Variants in RBFOX1 observed in about 807,000 individuals in gnomAD.
The protein encoded by RBFOX1 is RNA binding fox-1 homolog 1.
Under a neutral mutation model 57.7 loss-of-function variants are expected in RBFOX1, and 8 were observed. The ratio of observed to expected loss-of-function variants is 0.14; its 90% CI spans 0.08 to 0.25. RBFOX1 has a LOEUF of 0.25. Among genes scored for constraint, RBFOX1 ranks in the 10% least tolerant of loss-of-function variants. RBFOX1 has a pLI of 1.00. For synonymous variants in RBFOX1, 326 were observed against 222.4 expected (o/e 1.47, Z -4.15); for missense variants, 611 against 548.5 (o/e 1.11, Z -1.14).
chr16:7,388,103 TATAAAC>T (rs1204549464), intron 4 of RBFOX1, among the ~76,000 whole-genome samples: 5 of 152,198 alleles, frequency 3.3e-5, no homozygotes, highest in African/African-American at 1.2e-4. Flanking sequence ...ATCAAGATCA[TATAAAC>T]ATAATCAGTG....
chr16:6,345,231 T>G (rs1223810353), intron 2 of RBFOX1, among the ~76,000 whole-genome samples: 1 of 152,136 alleles, frequency 6.6e-6, no homozygotes, highest in Non-Finnish European at 1.5e-5. Context: ...AGAAGAGAAT[T>G]CAAGGGTGAG....
intron 1 of RBFOX1, among the ~76,000 whole-genome samples, chr16:5,348,441 G>T (rs1488307778): frequency 1.3e-5 from 2 of 152,200 alleles, no homozygotes; most frequent in Admixed American, 6.5e-5. Flanking sequence ...AGAGTCATAT[G>T]AAGTAGGCAC....
chr16:6,138,054 C>A (rs2096681633), intron 1 of RBFOX1, among the ~76,000 whole-genome samples: 1 of 152,164 alleles, frequency 6.6e-6, no homozygotes, highest in East Asian at 1.9e-4. Context: ...TGGCTAGTGG[C>A]CTCACAGGTT....
intron 3 of RBFOX1, among the ~76,000 whole-genome samples, chr16:5,737,636 C>T (rs1403655023): frequency 6.7e-6 from 1 of 150,104 alleles, no homozygotes; most frequent in African/African-American, 2.5e-5. Context: ...CTGTACTTCT[C>T]ACTAAGTTTA....
At chr16:5,513,961 A>T (rs572868314) in intron 2 of RBFOX1, among the ~76,000 whole-genome samples, 31 of 152,352 alleles carry the variant, frequency 2.0e-4, no homozygotes, top group African/African-American at 7.5e-4. Context: ...CATGATGAAT[A>T]AAATACCAAC....
chr16:6,102,447 A>G lies in RBFOX1; in HGVS notation c.-127+82455A>G, dbSNP rs75550572. Among the ~76,000 whole-genome samples, 256 of 152,298 alleles carry G rather than the reference A, an allele frequency of 1.7e-3. 5 individuals carry two copies. The East Asian group carries it at 0.027, about 16-fold the overall frequency. On this transcript the variant is annotated intron_variant, in intron 1 of 15. Coordinates refer to ENST00000550418, the MANE Select transcript of RBFOX1 (RefSeq NM_018723.4). ...TCTTACAACGGTGTCATTTGCAACA[A>G]CATCAATCATTGAATTGCACGTCAA...
intron 4 of RBFOX1, among the ~76,000 whole-genome samples, chr16:5,954,055 G>A (rs935011605): frequency 6.6e-6 from 1 of 152,158 alleles, no homozygotes; most frequent in African/African-American, 2.4e-5. Flanking sequence ...AGAGGATGGG[G>A]CACTGCACAC....
intron 2 of RBFOX1, among the ~76,000 whole-genome samples, chr16:6,648,809 T>C (rs572920509): frequency 2.4e-4 from 37 of 152,294 alleles, no homozygotes; most frequent in African/African-American, 8.7e-4. Flanking sequence ...AGCCTGAGAA[T>C]CTGGGTATTT....
At chr16:5,371,947 C>CT (rs1342830484) in intron 1 of RBFOX1, among the ~76,000 whole-genome samples, 5 of 152,158 alleles carry the variant, frequency 3.3e-5, no homozygotes, top group South Asian at 2.1e-4. Flanking sequence ...AGCAGTGAGG[C>CT]TTTTTTTCAT....
At chr16:6,749,853 A>G (rs185169848) in intron 3 of RBFOX1, among the ~76,000 whole-genome samples, 46 of 152,316 alleles carry the variant, frequency 3.0e-4, no homozygotes, top group Middle Eastern at 3.4e-3. Context: ...CCTTGAAATA[A>G]TAGTCAGCAG....
chr16:7,232,222 C>T (rs2093540596), intron 4 of RBFOX1, among the ~76,000 whole-genome samples: 1 of 152,088 alleles, frequency 6.6e-6, no homozygotes, highest in Non-Finnish European at 1.5e-5. Flanking sequence ...CGGGGTTTCA[C>T]CATGTTGGCC....
intron 3 of RBFOX1, among the ~76,000 whole-genome samples, chr16:6,985,284 T>C (rs2089996048): frequency 6.6e-6 from 1 of 152,238 alleles, no homozygotes; most frequent in Non-Finnish European, 1.5e-5. Context: ...CTTATGTTTT[T>C]ACATGTCCTT....
intron 14 of RBFOX1, among the ~76,000 whole-genome samples, chr16:7,705,975 C>A (rs540504837): frequency 6.6e-6 from 1 of 152,150 alleles, no homozygotes; most frequent in African/African-American, 2.4e-5. Flanking sequence ...TATAGCTGGT[C>A]GTGTCCTAAC....
intron 12 of RBFOX1, among the ~76,000 whole-genome samples, chr16:7,656,737 G>A (rs950592956): frequency 2.0e-5 from 3 of 152,216 alleles, no homozygotes; most frequent in South Asian, 2.1e-4. Flanking sequence ...ACCTTGAGAG[G>A]TATTTCTTCT....
intron 2 of RBFOX1, among the ~76,000 whole-genome samples, chr16:6,576,287 C>G (rs571028196): frequency 1.3e-5 from 2 of 152,154 alleles, no homozygotes. Context: ...CACACTCACT[C>G]ATGCTGAGAC....
At chr16:7,502,978 A>C (rs1441735606) in intron 4 of RBFOX1, among the ~76,000 whole-genome samples, 2 of 152,100 alleles carry the variant, frequency 1.3e-5, no homozygotes, top group African/African-American at 4.8e-5. Flanking sequence ...AGCTGAGGTC[A>C]CACCACTGCA....
chr16:6,371,989 G>C (rs993594416), intron 2 of RBFOX1, among the ~76,000 whole-genome samples: 6 of 152,162 alleles, frequency 3.9e-5, no homozygotes, highest in African/African-American at 1.4e-4. Flanking sequence ...GAAGATGTCT[G>C]GTACAGATTA....
At chr16:7,027,735 G>A (rs570818099) in intron 3 of RBFOX1, among the ~76,000 whole-genome samples, 1 of 152,022 alleles carries the variant, frequency 6.6e-6, no homozygotes, top group South Asian at 2.1e-4. Flanking sequence ...AAAACAAATA[G>A]ACTTCTTTCC....
intron 4 of RBFOX1, among the ~76,000 whole-genome samples, chr16:7,053,504 G>A (rs1052131316): frequency 6.6e-6 from 1 of 152,210 alleles, no homozygotes; most frequent in African/African-American, 2.4e-5. Flanking sequence ...GTCAGAGCTA[G>A]ATAAAGAGAA....
Sources: allele counts gnomAD v4.1 joint callset (sites outside exome capture counted in the v4.1 genomes callset), GRCh38; gene constraint gnomAD v4.1.1; transcripts MANE v1.5; gene names NCBI Gene and HGNC (gene_info 2026-07-23, HGNC 2026-07-21).